Variants in MED27 observed in about 807,000 individuals in gnomAD.
The protein encoded by MED27 is mediator of RNA polymerase II transcription subunit 27.
A neutral mutation model predicts 38.2 loss-of-function variants in MED27; 30 were observed. That is an observed-to-expected ratio of 0.79 (90% CI 0.59 to 1.07). MED27 has a LOEUF of 1.07. Ranked by LOEUF, MED27 falls within the 50% of genes least tolerant of loss-of-function variation. MED27 has a pLI of 0.00. For synonymous variants in MED27, 122 were observed against 153.5 expected (o/e 0.79, Z 1.52); for missense variants, 289 against 397.5 (o/e 0.73, Z 2.32).
chr9:132,022,686 TG>T (rs1213099392), intron 2 of MED27, among the ~76,000 whole-genome samples: 1 of 152,174 alleles, frequency 6.6e-6, no homozygotes, highest in Non-Finnish European at 1.5e-5. Context: ...TTCCAGAGAC[TG>T]GTAATTTACA....
At chr9:132,022,481 G>A (rs1832737717) in intron 2 of MED27, among the ~76,000 whole-genome samples, 1 of 152,188 alleles carries the variant, frequency 6.6e-6, no homozygotes, top group Non-Finnish European at 1.5e-5. Flanking sequence ...AATTATGTCT[G>A]AGGTCCTAAC....
chr9:131,911,303 T>C (rs1440687936), intron 4 of MED27, among the ~76,000 whole-genome samples: 1 of 152,204 alleles, frequency 6.6e-6, no homozygotes, highest in African/African-American at 2.4e-5. Context: ...AAGATAGGTA[T>C]TGACACCATT....
chr9:131,943,531 C>G (rs1344746826), intron 3 of MED27, among the ~76,000 whole-genome samples: 1 of 152,106 alleles, frequency 6.6e-6, no homozygotes, highest in African/African-American at 2.4e-5. Flanking sequence ...AGTGTGCTCC[C>G]CTCCTACACT....
intron 4 of MED27, among the ~76,000 whole-genome samples, chr9:131,935,455 C>T (rs1243196470): frequency 6.6e-6 from 1 of 152,102 alleles, no homozygotes; most frequent in African/African-American, 2.4e-5. Context: ...AAATTGTAAC[C>T]AACCCCAACA....
intron 2 of MED27, among the ~76,000 whole-genome samples, chr9:132,033,031 T>C (rs1832996494): frequency 1.3e-5 from 2 of 152,128 alleles, no homozygotes; most frequent in Non-Finnish European, 2.9e-5. Flanking sequence ...AAAAGTAAAA[T>C]ATCACTCAAA....
At position 132,074,526 on chromosome 9, in the gene MED27, T is replaced by C. The variant is rs569514658; in HGVS notation, c.348+2916A>G. ...ACTTCACTTAACCCATTAACGCACTTACTGGTTTAAACTCTTTGAGGGTAA... is the reference window on the plus strand; with the variant it reads ...ACTTCACTTAACCCATTAACGCACTCACTGGTTTAAACTCTTTGAGGGTAA... On this transcript the variant is annotated intron_variant, in intron 2 of 7. Coordinates refer to ENST00000292035, the MANE Select transcript of MED27 (RefSeq NM_004269.4). 1.2e-3 allele frequency among the ~76,000 whole-genome samples: 176 copies of C among 152,316 alleles called. 1 individual carries two copies. Among genetic ancestry groups the C allele is most frequent in the Non-Finnish European group, 2.6e-4 (18 of 68,024 alleles).
chr9:131,882,773 G>A (rs1839070587), intron 6 of MED27, among the ~76,000 whole-genome samples: 1 of 152,168 alleles, frequency 6.6e-6, no homozygotes, highest in South Asian at 2.1e-4. Flanking sequence ...TCAGAAGGAG[G>A]CCCCCTTGTG....
At chr9:132,005,249 G>A (rs909831680) in intron 3 of MED27, among the ~76,000 whole-genome samples, 4 of 152,204 alleles carry the variant, frequency 2.6e-5, no homozygotes, top group Non-Finnish European at 5.9e-5. Flanking sequence ...ACATAAGGAA[G>A]ATGATCCCAT....
chr9:131,931,387 A>G (rs1416344347), intron 4 of MED27, among the ~76,000 whole-genome samples: 1 of 152,182 alleles, frequency 6.6e-6, no homozygotes, highest in Non-Finnish European at 1.5e-5. Flanking sequence ...AAATTAAATC[A>G]TACCACCAGA....
At chr9:131,957,080 G>A (rs749006964) in intron 3 of MED27, among the ~76,000 whole-genome samples, 26 of 152,184 alleles carry the variant, frequency 1.7e-4, no homozygotes, top group Middle Eastern at 3.2e-3. Flanking sequence ...ATTCGCTGCC[G>A]GTAGGAGTAC....
intron 2 of MED27, among the ~76,000 whole-genome samples, chr9:132,052,066 G>C (rs550197345): frequency 6.6e-6 from 1 of 152,308 alleles, no homozygotes; most frequent in East Asian, 1.9e-4. Context: ...TCGCGAGACA[G>C]GGGTGGGCAG....
chr9:131,959,000 T>C (rs1289884020), intron 3 of MED27, among the ~76,000 whole-genome samples: 1 of 152,264 alleles, frequency 6.6e-6, no homozygotes, highest in Admixed American at 6.5e-5. Context: ...GAAAACATTT[T>C]TGACATATTT....
intron 4 of MED27, among the ~76,000 whole-genome samples, chr9:131,908,818 T>C (rs938164054): frequency 2.6e-5 from 4 of 151,232 alleles, no homozygotes; most frequent in Non-Finnish European, 5.9e-5. Flanking sequence ...CCCTCCACTA[T>C]TGTCCTATGA....
intron 3 of MED27, among the ~76,000 whole-genome samples, chr9:131,945,989 C>T (rs908897156): frequency 3.4e-5 from 5 of 146,470 alleles, no homozygotes; most frequent in South Asian, 2.1e-4. Context: ...AAAAAAAAAG[C>T]GATCGTGCAA....
chr9:131,942,538 G>A (rs1830807746), intron 3 of MED27, among the ~76,000 whole-genome samples: 1 of 152,220 alleles, frequency 6.6e-6, no homozygotes, highest in South Asian at 2.1e-4. Context: ...GATAGGCGAT[G>A]TCTTCTGAAC....
At position 131,860,521 on chromosome 9, in the gene MED27, T is replaced by A; in HGVS notation, c.*17A>T. 6.7e-7 allele frequency: 1 copy of A among 1,502,952 alleles called. No homozygotes were observed. Among genetic ancestry groups the A allele is most frequent in the South Asian group, 1.3e-5 (1 of 74,986 alleles). 93.1% of individuals were successfully genotyped at this position (1,502,952 alleles called of 1,614,324 possible). On this transcript the variant is annotated 3_prime_UTR_variant, in exon 8 of 8. Coordinates refer to ENST00000292035, the MANE Select transcript of MED27 (RefSeq NM_004269.4). The surrounding 1 kb of genome is among the most constrained non-coding windows in gnomAD (Gnocchi z 5.8). ...GAAGGTGCTGGGTGGGGTCTGAGGC[T>A]GGGGCCAGCGTGGGGGCTACTGCCG...
chr9:131,976,902 C>A (rs1045129865), intron 3 of MED27, among the ~76,000 whole-genome samples: 1 of 152,154 alleles, frequency 6.6e-6, no homozygotes, highest in Non-Finnish European at 1.5e-5. Context: ...TTAAAAGAGG[C>A]CTTCCCCCTT....
At chr9:132,048,383 T>A (rs146793671) in intron 2 of MED27, among the ~76,000 whole-genome samples, 63 of 152,290 alleles carry the variant, frequency 4.1e-4, no homozygotes, top group Non-Finnish European at 7.4e-4. Context: ...AGTTAATAAA[T>A]AATGTGAAAT....
chr9:131,864,879 G>C (rs2131448559), intron 6 of MED27, among the ~76,000 whole-genome samples: 1 of 152,370 alleles, frequency 6.6e-6, no homozygotes, highest in African/African-American at 2.4e-5. Flanking sequence ...AGTGAGGCCA[G>C]GCGTGGGAAG....
Sources: allele counts gnomAD v4.1 joint callset (sites outside exome capture counted in the v4.1 genomes callset), GRCh38; gene constraint gnomAD v4.1.1; non-coding constraint Gnocchi (gnomAD v3.1); transcripts MANE v1.5; gene names NCBI Gene and HGNC (gene_info 2026-07-23, HGNC 2026-07-21).